Variants in SLC5A5 observed in about 807,000 individuals in gnomAD.
SLC5A5 encodes sodium/iodide cotransporter.
Under a neutral mutation model 68.6 loss-of-function variants are expected in SLC5A5, and 56 were observed. The observed-to-expected ratio is 0.82, with a 90% CI of 0.66 to 1.02. SLC5A5 has a LOEUF of 1.02. Among genes scored for constraint, SLC5A5 ranks in the 50% least tolerant of loss-of-function variants. SLC5A5 has a pLI of 0.00. For synonymous variants in SLC5A5, 398 were observed against 373.0 expected (o/e 1.07, Z -0.77); for missense variants, 807 against 859.8 (o/e 0.94, Z 0.77).
intron 7 of SLC5A5, among the ~76,000 whole-genome samples, chr19:17,880,057 C>A (rs1468933550): frequency 6.6e-6 from 1 of 151,936 alleles, no homozygotes; most frequent in Non-Finnish European, 1.5e-5. Context: ...CGCCACCATG[C>A]CCAGCTAATT....
At position 17,888,358 on chromosome 19, in the gene SLC5A5, C is replaced by G. The variant is rs1319332407; in HGVS notation, c.1554C>G (p.Ala518=). The change falls in exon 13 of 15, where the codon GCC becomes GCG. Residue 518 remains alanine (A), a synonymous_variant. Coordinates refer to ENST00000222248, the MANE Select transcript of SLC5A5 (RefSeq NM_000453.3). ...PSSGMDASRP[A]LADSFYAISY... Reference sequence around the variant, plus strand: ...CAGGAATGGACGCCAGCCGACCCGCCTTAGCTGACAGCTTCTATGCCATCT... The same window carrying G: ...CAGGAATGGACGCCAGCCGACCCGCGTTAGCTGACAGCTTCTATGCCATCT... The G allele has an allele frequency of 6.2e-7, 1 of 1,614,018 alleles. No homozygotes were observed. The highest frequency in any genetic ancestry group is 1.1e-5 in the South Asian group (1 of 91,080).
At chr19:17,885,351 T>A (rs2094330911) in intron 12 of SLC5A5, among the ~76,000 whole-genome samples, 1 of 144,406 alleles carries the variant, frequency 6.9e-6, no homozygotes. Flanking sequence ...TTATTTATTT[T>A]GGTTTTTTGG....
intron 1 of SLC5A5, among the ~76,000 whole-genome samples, chr19:17,873,177 G>A (rs767975760): frequency 6.6e-6 from 1 of 152,216 alleles, no homozygotes; most frequent in African/African-American, 2.4e-5. Flanking sequence ...AATCGTGACC[G>A]GGGCCCGGTG....
At chr19:17,875,893 A>G in intron 4 of SLC5A5, 59 bp from the exon 5 acceptor site, 3 of 1,580,574 alleles carry the variant, frequency 1.9e-6, no homozygotes, top group Non-Finnish European at 2.6e-6. Flanking sequence ...CCTAGGCACC[A>G]CTGAAGGCCA....
intron 12 of SLC5A5, among the ~76,000 whole-genome samples, chr19:17,887,814 G>A: frequency 6.6e-6 from 1 of 151,070 alleles, no homozygotes; most frequent in Non-Finnish European, 1.5e-5. Context: ...CACCATGTTA[G>A]CCAGGATGGT....
chr19:17,887,597 A>ATT lies in SLC5A5; in HGVS notation c.1527-717_1527-716dup, dbSNP rs59690936. Among the ~76,000 whole-genome samples, 628 of 120,946 alleles carry ATT rather than the reference A, an allele frequency of 5.2e-3. 9 individuals carry two copies. The highest frequency in any genetic ancestry group is 0.015 in the African/African-American group (452 of 30,896). 79.3% of individuals were successfully genotyped at this position (120,946 alleles called of 152,430 possible). ...CAACATGCCTGGCCAGAAGTTTTTA[A>ATT]TTTTTTTTTTTTTTTTTTGAGATGG... On this transcript the variant is annotated intron_variant, in intron 12 of 14. Coordinates refer to ENST00000222248, the MANE Select transcript of SLC5A5 (RefSeq NM_000453.3).
At chr19:17,880,763 C>G in intron 7 of SLC5A5, 102 bp from the exon 8 acceptor site, 1 of 827,674 alleles carries the variant, frequency 1.2e-6, no homozygotes, top group Middle Eastern at 3.4e-4. Context: ...GACTCTGAGC[C>G]CTGTCCGTCT....
In SLC5A5 at chr19:17,894,027, G is replaced by A; in HGVS notation, c.*150G>A. ...ACTACAATACCCTACCCTATGGGGA[G>A]GCCCTGCCTCCGGGAGGTCATTTTT... On this transcript the variant is annotated 3_prime_UTR_variant, in exon 15 of 15. Transcript: ENST00000222248. 1 of 777,682 alleles carries A rather than the reference G, an allele frequency of 1.3e-6. No individual in the cohort carries two copies. Among genetic ancestry groups the A allele is most frequent in the Non-Finnish European group, 2.1e-6 (1 of 472,650 alleles). 48.2% of individuals were successfully genotyped at this position (777,682 alleles called of 1,614,324 possible). A position where few individuals can be genotyped will look rare whatever the true frequency, so the allele number is the denominator to read the frequency against.
At chr19:17,883,634 C>G (rs758962984) in intron 10 of SLC5A5, 47 bp from the exon 11 acceptor site, 1 of 1,475,526 alleles carries the variant, frequency 6.8e-7, no homozygotes, top group Non-Finnish European at 9.5e-7. Flanking sequence ...AGGCCCAGAG[C>G]GGTGGGAGGG....
rs554930980 is a variant in SLC5A5 at position 17,877,988 on chromosome 19, C to T, written c.864C>T (p.Gly288=). 5.5e-5 allele frequency: 89 copies of T among 1,613,496 alleles called. 1 individual carries two copies. The South Asian group carries it at 7.2e-4, about 13-fold the overall frequency. ...AKLALLINQV[G]LFLIVSSAAC... ...GGGCCCTGCTCATCAACCAGGTCGGCCTGTTCCTGATCGTGTCCAGCGCTG... is the reference window on the plus strand; with the variant it reads ...GGGCCCTGCTCATCAACCAGGTCGGTCTGTTCCTGATCGTGTCCAGCGCTG... The change falls in exon 7 of 15, where the codon GGC becomes GGT. Residue 288 remains glycine, a synonymous_variant. Transcript: ENST00000222248.
chr19:17,887,095 C>G (rs906350059), intron 12 of SLC5A5, among the ~76,000 whole-genome samples: 1 of 151,780 alleles, frequency 6.6e-6, no homozygotes, highest in Non-Finnish European at 1.5e-5. Context: ...AACAAACAAA[C>G]AAAAAAACAC....
intron 8 of SLC5A5, among the ~76,000 whole-genome samples, 168 bp from the exon 9 acceptor site, chr19:17,881,792 A>G (rs2094321158): frequency 6.6e-6 from 1 of 152,084 alleles, no homozygotes; most frequent in Non-Finnish European, 1.5e-5. Flanking sequence ...TTGCTCCTGT[A>G]GGGATGTCTC....
At chr19:17,874,593 G>T (rs753985599) in intron 3 of SLC5A5, 48 bp downstream of exon 3, 1 of 1,612,948 alleles carries the variant, frequency 6.2e-7, no homozygotes, top group East Asian at 2.2e-5. Context: ...GAGAAAGGGA[G>T]GGAGAGGAGA....
intron 14 of SLC5A5, among the ~76,000 whole-genome samples, chr19:17,892,819 G>C (rs2030240508): frequency 6.6e-6 from 1 of 152,074 alleles, no homozygotes; most frequent in African/African-American, 2.4e-5. Flanking sequence ...TCTTGGGAGA[G>C]GTGACATTGA....
rs2030005254 is a variant in SLC5A5 at position 17,888,353 on chromosome 19, C to A, written c.1549C>A (p.Pro517Thr). ...CAGCTCAGGAATGGACGCCAGCCGA[C>A]CCGCCTTAGCTGACAGCTTCTATGC... ...APSSGMDASRPALADSFYAIS... is the reference protein window; with the variant it reads ...APSSGMDASRTALADSFYAIS... The change falls in exon 13 of 15, where the codon CCC (proline) becomes ACC (threonine). Residue 517 changes from proline (P) to threonine (T), a missense_variant. By Grantham distance (38) the Pro-to-Thr change is conservative. Transcript: ENST00000222248. 1 of 1,613,880 alleles carries A rather than the reference C, an allele frequency of 6.2e-7. No individual in the cohort carries two copies. The highest frequency in any genetic ancestry group is 1.1e-5 in the South Asian group (1 of 91,090).
Position 17,883,698 on chromosome 19 carries a change from G to C in SLC5A5, c.1260G>C (p.Met420Ile), listed in dbSNP as rs548606009. ...GGVLQGSFTV[M>I]GVISGPLLGA... is the part of the protein sequence containing the mutation. ...TCTCCCAGGGCTCCTTCACCGTCAT[G>C]GGAGTCATCAGCGGCCCCCTGCTGG... Residue 420 changes from methionine to isoleucine, a missense_variant, in exon 11 of 15, where the codon ATG becomes ATC. Coordinates refer to ENST00000222248, the MANE Select transcript of SLC5A5 (RefSeq NM_000453.3). 2.5e-6 allele frequency: 4 copies of C among 1,613,612 alleles called. No homozygotes were observed. Among genetic ancestry groups the C allele is most frequent in the Non-Finnish European group, 3.4e-6 (4 of 1,179,962 alleles).
chr19:17,880,834 G>A, intron 7 of SLC5A5, 31 bp from the exon 8 acceptor site: 1 of 1,544,528 alleles, frequency 6.5e-7, no homozygotes, highest in Non-Finnish European at 8.9e-7. Flanking sequence ...GGGTGCAGCT[G>A]TCTGGGAGGC....
In SLC5A5 at chr19:17,889,413, A is replaced by AGGAGGAAGGAAGGAAGGAAG. The variant is rs1555754783; in HGVS notation, c.1651+959_1651+960insGAGGAAGGAAGGAAGGAAGG. 1.4e-3 allele frequency among the ~76,000 whole-genome samples: 193 copies of AGGAGGAAGGAAGGAAGGAAG among 137,724 alleles called. 1 individual carries two copies. Among genetic ancestry groups the AGGAGGAAGGAAGGAAGGAAG allele is most frequent in the African/African-American group, 5.2e-3 (168 of 32,410 alleles). 90.4% of individuals were successfully genotyped at this position (137,724 alleles called of 152,430 possible). A position where few individuals can be genotyped will look rare whatever the true frequency, so the allele number is the denominator to read the frequency against. On this transcript the variant is annotated intron_variant, in intron 13 of 14. Transcript: ENST00000222248. ...GACTCCATCTAAAAGAAAGAAAGAA[A>AGGAGGAAGGAAGGAAGGAAG]GAAGGAAGGAAGGAAGGAAGGAAGG...
chr19:17,881,001 C>G (rs1334355341), intron 8 of SLC5A5, 48 bp downstream of exon 8: 5 of 1,373,478 alleles, frequency 3.6e-6, no homozygotes, highest in Non-Finnish European at 5.2e-6. Context: ...CCCCTGGGAG[C>G]CTCCTTATCC....
Sources: gnomAD v4.1 joint callset for allele counts (sites outside exome capture counted in the v4.1 genomes callset) on GRCh38, gnomAD v4.1.1 for gene constraint, MANE v1.5 for transcripts, NCBI Gene and HGNC (gene_info 2026-07-23, HGNC 2026-07-21) for gene names.